CALN1: variants seen among roughly 807,000 people sequenced by gnomAD.
CALN1 encodes calneuron 1.
CALN1 carries 17 observed loss-of-function variants against 30.6 expected under a neutral mutation model. The ratio of observed to expected loss-of-function variants is 0.56; its 90% CI spans 0.38 to 0.83. The LOEUF is 0.83. Ranked by LOEUF, CALN1 falls within the 40% of genes least tolerant of loss-of-function variation. The pLI, the probability that CALN1 is intolerant of heterozygous loss-of-function variation, is 0.00. For missense variants in CALN1, 291 were observed against 354.9 expected, an observed-to-expected ratio of 0.82 and a Z score of 1.45; for synonymous variants, 156 against 131.4, an observed-to-expected ratio of 1.19 and a Z score of -1.28.
intron 3 of CALN1, among the ~76,000 whole-genome samples, chr7:72,165,463 G>A (rs1585074491): frequency 6.6e-6 from 1 of 152,022 alleles, no homozygotes; most frequent in Non-Finnish European, 1.5e-5. Flanking sequence ...CAGCTACTCA[G>A]GAGGCTGAGA....
At chr7:72,234,979 A>G (rs902680681) in intron 3 of CALN1, among the ~76,000 whole-genome samples, 2 of 152,180 alleles carry the variant, frequency 1.3e-5, no homozygotes, top group African/African-American at 4.8e-5. Context: ...ATAAAAACTT[A>G]TAAAACAGAC....
rs574764968 is a variant in CALN1, at chr7:72,370,760, A to C, written c.119+32491T>G. On this transcript the variant is annotated intron_variant, in intron 2 of 6. Transcript: ENST00000395275. ...TCTCAACAGTGTCTTTCAAAGAGAG[A>C]GCTCTTGGCTGGGCATGGGCTCATG... 7.9e-5 allele frequency among the ~76,000 whole-genome samples: 12 copies of C among 151,974 alleles called. No individual in the cohort carries two copies. In the South Asian group the frequency reaches 2.5e-3, roughly 32 times the overall value.
At chr7:72,038,578 C>G (rs1801942742) in intron 4 of CALN1, among the ~76,000 whole-genome samples, 1 of 152,066 alleles carries the variant, frequency 6.6e-6, no homozygotes, top group Admixed American at 6.6e-5. Context: ...GGCTGAAACC[C>G]TCTGTGCTGC....
chr7:71,987,350 T>C lies in CALN1; in HGVS notation c.501+36307A>G, dbSNP rs1798728041. Among the ~76,000 whole-genome samples, 7 of 152,210 alleles carry C rather than the reference T, an allele frequency of 4.6e-5. 1 individual carries two copies. The South Asian group carries it at 1.4e-3, about 32-fold the overall frequency. ...AGGGGCCCGTGTGCTATTTCACAAG[T>C]CCATGCGGGGGCTGTGAGGACACAG... On this transcript the variant is annotated intron_variant, in intron 5 of 6. Coordinates refer to ENST00000395275, the MANE Select transcript of CALN1 (RefSeq NM_031468.4).
intron 3 of CALN1, among the ~76,000 whole-genome samples, chr7:72,158,491 A>C (rs1198066908): frequency 6.6e-6 from 1 of 152,170 alleles, no homozygotes; most frequent in Non-Finnish European, 1.5e-5. Context: ...TTCCCACACC[A>C]ACAGCTGAAA....
intron 3 of CALN1, among the ~76,000 whole-genome samples, chr7:72,156,659 T>C (rs1024287781): frequency 4.6e-5 from 7 of 152,126 alleles, no homozygotes; most frequent in African/African-American, 9.7e-5. Context: ...TCCCAACACA[T>C]TGGGCCATGC....
At chr7:72,321,335 A>G (rs1156299627) in intron 2 of CALN1, among the ~76,000 whole-genome samples, 1 of 152,184 alleles carries the variant, frequency 6.6e-6, no homozygotes, top group East Asian at 1.9e-4. Flanking sequence ...ACGAAATACA[A>G]CTTATTAGTC....
intron 4 of CALN1, among the ~76,000 whole-genome samples, chr7:72,086,189 G>A (rs1219514833): frequency 6.6e-6 from 1 of 152,140 alleles, no homozygotes; most frequent in Admixed American, 6.5e-5. Flanking sequence ...ATGATCACTT[G>A]TGTACATTAA....
chr7:72,184,165 C>A (rs1021495413), intron 3 of CALN1, among the ~76,000 whole-genome samples: 1 of 152,168 alleles, frequency 6.6e-6, no homozygotes, highest in Non-Finnish European at 1.5e-5. Flanking sequence ...GGAGGCACAG[C>A]GTGGCATGAT....
chr7:72,310,612 C>G (rs144849173), intron 2 of CALN1, among the ~76,000 whole-genome samples: 1 of 151,760 alleles, frequency 6.6e-6, no homozygotes. Context: ...TACATCAAAA[C>G]GTAAGAGCAG....
At chr7:71,844,177 T>C (rs1035958241) in intron 5 of CALN1, among the ~76,000 whole-genome samples, 4 of 152,212 alleles carry the variant, frequency 2.6e-5, no homozygotes, top group Non-Finnish European at 4.4e-5. Context: ...GCTATCTTTC[T>C]GAAGCCTCAT....
At chr7:71,889,712 T>C (rs1217758341) in intron 5 of CALN1, among the ~76,000 whole-genome samples, 1 of 152,184 alleles carries the variant, frequency 6.6e-6, no homozygotes, top group African/African-American at 2.4e-5. Context: ...CCCAGCACTT[T>C]GGGAGGCTGA....
chr7:72,032,858 A>G (rs1801550880), intron 4 of CALN1, among the ~76,000 whole-genome samples: 1 of 152,112 alleles, frequency 6.6e-6, no homozygotes, highest in Non-Finnish European at 1.5e-5. Flanking sequence ...CTGATGAACA[A>G]AACCTGTTCA....
intron 3 of CALN1, among the ~76,000 whole-genome samples, chr7:72,138,363 C>CAATGAGTAA (rs1311418643): frequency 1.3e-5 from 2 of 152,042 alleles, no homozygotes; most frequent in Non-Finnish European, 2.9e-5. Context: ...ATGAAACCAA[C>CAATGAGTAA]AATGAGTAAA....
intron 1 of CALN1, among the ~76,000 whole-genome samples, chr7:72,410,177 A>T (rs1298289022): frequency 6.6e-6 from 1 of 152,170 alleles, no homozygotes; most frequent in Admixed American, 6.5e-5. Context: ...TAAGCCCTGC[A>T]TTTGCTGGAA....
chr7:71,868,627 C>T (rs1791736776), intron 5 of CALN1, among the ~76,000 whole-genome samples: 1 of 152,030 alleles, frequency 6.6e-6, no homozygotes, highest in Non-Finnish European at 1.5e-5. Context: ...CTGCCTCAGC[C>T]TCCCAGAGTG....
chr7:72,094,667 G>A (rs777511647), intron 4 of CALN1, among the ~76,000 whole-genome samples: 7 of 152,132 alleles, frequency 4.6e-5, no homozygotes, highest in Non-Finnish European at 8.8e-5. Context: ...GATGGAGATG[G>A]CATACCTTCC....
intron 5 of CALN1, among the ~76,000 whole-genome samples, chr7:71,988,802 G>T (rs765690036): frequency 6.6e-6 from 1 of 152,018 alleles, no homozygotes; most frequent in Non-Finnish European, 1.5e-5. Context: ...GGAGGGAGGG[G>T]ACTGGACACA....
intron 3 of CALN1, among the ~76,000 whole-genome samples, chr7:72,113,993 G>A (rs539126878): frequency 1.3e-5 from 2 of 152,048 alleles, no homozygotes; most frequent in South Asian, 2.1e-4. Flanking sequence ...AGGACACTGT[G>A]GAAAGAAGAG....
Sources: gnomAD v4.1 joint callset for allele counts (sites outside exome capture counted in the v4.1 genomes callset) on GRCh38, gnomAD v4.1.1 for gene constraint, MANE v1.5 for transcripts, NCBI Gene and HGNC (gene_info 2026-07-23, HGNC 2026-07-21) for gene names.